Variants in FSTL5 observed in about 807,000 individuals in gnomAD.
FSTL5 encodes follistatin-related protein 5.
Under a neutral mutation model 89.1 loss-of-function variants are expected in FSTL5, and 62 were observed. The observed-to-expected ratio is 0.70, with a 90% CI of 0.57 to 0.86. The LOEUF is 0.86. Among genes scored for constraint, FSTL5 ranks in the 40% least tolerant of loss-of-function variants. FSTL5 has a pLI of 0.00. For missense variants in FSTL5, 1,057 were observed against 1,001.6 expected (o/e 1.06, Z -0.75); for synonymous variants, 383 against 346.2 (o/e 1.11, Z -1.18).
At chr4:161,620,743 T>C (rs1578973862) in intron 7 of FSTL5, among the ~76,000 whole-genome samples, 1 of 152,094 alleles carries the variant, frequency 6.6e-6, no homozygotes, top group Admixed American at 6.6e-5. Flanking sequence ...AATTTAGATA[T>C]ACAGAAATGA....
rs1732282226 is a variant in FSTL5 at position 161,872,128 on chromosome 4, G to GTTTTTTTGTTTGTTTTTTTTT, written c.409+48275_409+48276insAAAAAAAAACAAACAAAAAAA. On this transcript the variant is annotated intron_variant, in intron 4 of 15. Transcript: ENST00000306100. ...CACATCTGGCTAGGCTTTGTAGTTT[G>GTTTTTTTGTTTGTTTTTTTTT]TTTTTTTTTTTGGTTTTTTTTTTTT... Among the ~76,000 whole-genome samples, 79 of 64,098 alleles carry GTTTTTTTGTTTGTTTTTTTTT rather than the reference G, an allele frequency of 1.2e-3. 2 individuals are homozygous for GTTTTTTTGTTTGTTTTTTTTT. Among genetic ancestry groups the GTTTTTTTGTTTGTTTTTTTTT allele is most frequent in the East Asian group, 3.3e-3 (5 of 1,524 alleles). The allele number at this position is 64,098 out of a possible 152,430, so 42.1% of individuals were successfully genotyped here.
intron 6 of FSTL5, among the ~76,000 whole-genome samples, chr4:161,710,300 C>G (rs1194998656): frequency 6.6e-6 from 1 of 151,992 alleles, no homozygotes; most frequent in Non-Finnish European, 1.5e-5. Context: ...AAATAATATA[C>G]TTTTTAGAAT....
chr4:162,052,572 C>G (rs17459918), intron 2 of FSTL5, among the ~76,000 whole-genome samples: 36,465 of 151,408 alleles, frequency 0.24, 5,096 homozygotes, highest in Non-Finnish European at 0.32. Context: ...CTAAGGGATC[C>G]AGAGAGAGGA....
At chr4:161,540,767 A>G (rs1339070862) in intron 9 of FSTL5, among the ~76,000 whole-genome samples, 2 of 152,036 alleles carry the variant, frequency 1.3e-5, no homozygotes, top group African/African-American at 4.8e-5. Flanking sequence ...GTTTCTAAAC[A>G]CACTGAAAAC....
intron 6 of FSTL5, among the ~76,000 whole-genome samples, chr4:161,700,432 G>C (rs898099873): frequency 6.6e-6 from 1 of 151,588 alleles, no homozygotes; most frequent in Non-Finnish European, 1.5e-5. Flanking sequence ...AAATATCTTC[G>C]TTTTTCTAGG....
At chr4:161,460,615 T>A (rs1733528514) in intron 13 of FSTL5, among the ~76,000 whole-genome samples, 1 of 152,168 alleles carries the variant, frequency 6.6e-6, no homozygotes, top group African/African-American at 2.4e-5. Flanking sequence ...AAATTAAATG[T>A]TAACAAGTCT....
chr4:161,911,419 T>C lies in FSTL5; in HGVS notation c.409+8985A>G, dbSNP rs1434695193. On this transcript the variant is annotated intron_variant, in intron 4 of 15. Transcript: ENST00000306100. The stretch of plus-strand genomic sequence containing the variant: ...AGAGAGTAAATCTATTTAAGAACTT[T>C]GGCAATTATTTGTGTGCTCTTTAGG... Among the ~76,000 whole-genome samples the C allele has an allele frequency of 3.9e-5, 6 of 152,264 alleles. No homozygotes were observed. The East Asian group carries it at 1.2e-3, about 29-fold the overall frequency.
At chr4:161,720,604 A>G (rs1739164252) in intron 6 of FSTL5, among the ~76,000 whole-genome samples, 2 of 152,160 alleles carry the variant, frequency 1.3e-5, no homozygotes, top group Admixed American at 1.3e-4. Flanking sequence ...AGACATGGAG[A>G]CAACATTAAT....
chr4:161,815,471 G>A (rs1730296021), intron 4 of FSTL5, among the ~76,000 whole-genome samples: 1 of 152,106 alleles, frequency 6.6e-6, no homozygotes, highest in East Asian at 1.9e-4. Context: ...ATTATTCTAT[G>A]TATAGCAAAA....
At chr4:162,020,996 C>A (rs1441388453) in intron 3 of FSTL5, among the ~76,000 whole-genome samples, 3 of 151,928 alleles carry the variant, frequency 2.0e-5, no homozygotes, top group African/African-American at 7.2e-5. Context: ...AATCAAATAG[C>A]AATTTTATTG....
intron 4 of FSTL5, among the ~76,000 whole-genome samples, chr4:161,870,322 T>A (rs1324414405): frequency 1.3e-5 from 2 of 151,802 alleles, no homozygotes; most frequent in Non-Finnish European, 2.9e-5. Context: ...TCACAAAGAT[T>A]AAATATTATT....
At chr4:162,055,185 T>G (rs1738497695) in intron 2 of FSTL5, among the ~76,000 whole-genome samples, 1 of 151,906 alleles carries the variant, frequency 6.6e-6, no homozygotes, top group Non-Finnish European at 1.5e-5. Context: ...TAAAACCACT[T>G]CTTTTTCATC....
intron 6 of FSTL5, among the ~76,000 whole-genome samples, chr4:161,703,711 T>C (rs1579034390): frequency 6.6e-6 from 1 of 152,130 alleles, no homozygotes; most frequent in Admixed American, 6.6e-5. Flanking sequence ...AGAAGTGATA[T>C]ATAACTTTTA....
intron 12 of FSTL5, among the ~76,000 whole-genome samples, chr4:161,484,150 A>G (rs1729604129): frequency 1.3e-5 from 2 of 152,190 alleles, no homozygotes; most frequent in Non-Finnish European, 2.9e-5. Flanking sequence ...CTTGTCTTCT[A>G]CTAGGATGTT....
intron 7 of FSTL5, among the ~76,000 whole-genome samples, chr4:161,655,638 A>C (rs1736489819): frequency 6.6e-6 from 1 of 152,100 alleles, no homozygotes; most frequent in Non-Finnish European, 1.5e-5. Flanking sequence ...TATCTATTAG[A>C]AGTAAGTCTA....
chr4:161,666,965 G>GA (rs550012632), intron 6 of FSTL5, among the ~76,000 whole-genome samples: 152 of 151,998 alleles, frequency 1.0e-3, no homozygotes, highest in Non-Finnish European at 1.7e-3. Context: ...AAACAACGCA[G>GA]AAAAAATTCT....
At chr4:161,762,419 G>C (rs1212785168) in intron 5 of FSTL5, among the ~76,000 whole-genome samples, 11 of 152,136 alleles carry the variant, frequency 7.2e-5, no homozygotes, top group Admixed American at 7.2e-4. Flanking sequence ...CTTTCATTTA[G>C]TGTTTGACAC....
In FSTL5 at chr4:161,428,310, T is replaced by C. The variant is rs188827027; in HGVS notation, c.1841+26694A>G. Among the ~76,000 whole-genome samples, 263 of 152,306 alleles carry C rather than the reference T, an allele frequency of 1.7e-3. 1 individual carries two copies. Among genetic ancestry groups the C allele is most frequent in the African/African-American group, 5.9e-3 (247 of 41,580 alleles). On this transcript the variant is annotated intron_variant, in intron 15 of 15. Transcript: ENST00000306100. ...GTCTAGGCCACAAGGACTGCAATTC[T>C]TGGGCACATCTGGGTGCTGCATTGG...
chr4:161,841,200 AT>A (rs1731201481), intron 4 of FSTL5, among the ~76,000 whole-genome samples: 1 of 152,196 alleles, frequency 6.6e-6, no homozygotes, highest in Non-Finnish European at 1.5e-5. Flanking sequence ...CTCAAAGTGC[AT>A]ACACCATTTA....
Sources: gnomAD v4.1 joint callset for allele counts (sites outside exome capture counted in the v4.1 genomes callset) on GRCh38, gnomAD v4.1.1 for gene constraint, MANE v1.5 for transcripts, NCBI Gene and HGNC (gene_info 2026-07-23, HGNC 2026-07-21) for gene names.